The following ATXN7 variants were observed in gnomAD, a reference collection of about 807,000 sequenced individuals.
The protein encoded by ATXN7 is ataxin-7.
In ATXN7, 12 loss-of-function variants were observed where a neutral mutation model predicts 70.5. The ratio of observed to expected loss-of-function variants is 0.17; its 90% CI spans 0.11 to 0.28. The LOEUF is 0.28. Ranked by LOEUF, ATXN7 falls within the 10% of genes least tolerant of loss-of-function variation. The pLI is 1.00. For synonymous variants in ATXN7, 498 were observed against 448.7 expected, an observed-to-expected ratio of 1.11 and a Z score of -1.39; for missense variants, 1,256 against 1,131.7, an observed-to-expected ratio of 1.11 and a Z score of -1.58.
At chr3:63,964,845 G>C (rs971874057) in intron 5 of ATXN7, among the ~76,000 whole-genome samples, 2 of 152,140 alleles carry the variant, frequency 1.3e-5, no homozygotes, top group African/African-American at 4.8e-5. Flanking sequence ...CCCCTTTCAA[G>C]TGCTCCTTGG....
At chr3:63,925,136 G>C (rs929335463) in intron 4 of ATXN7, among the ~76,000 whole-genome samples, 8 of 152,162 alleles carry the variant, frequency 5.3e-5, no homozygotes, top group African/African-American at 1.9e-4. Context: ...TAGAATTGTG[G>C]AATAAGATGG....
At chr3:63,870,410 G>C (rs1373579804) in intron 1 of ATXN7, among the ~76,000 whole-genome samples, 3 of 152,050 alleles carry the variant, frequency 2.0e-5, no homozygotes, top group African/African-American at 7.2e-5. Context: ...ACACACGTAT[G>C]TGTGTGTGTG....
intron 4 of ATXN7, among the ~76,000 whole-genome samples, chr3:63,936,866 C>T (rs1211405581): frequency 6.6e-6 from 1 of 152,104 alleles, no homozygotes; most frequent in Admixed American, 6.6e-5. Context: ...CTGGTTGGTC[C>T]GTTTTCTAGT....
intron 4 of ATXN7, among the ~76,000 whole-genome samples, chr3:63,950,686 G>T (rs1217397724): frequency 6.6e-6 from 1 of 152,144 alleles, no homozygotes; most frequent in Non-Finnish European, 1.5e-5. Context: ...CTTATTACAT[G>T]TATATCATTG....
intron 5 of ATXN7, among the ~76,000 whole-genome samples, chr3:63,960,541 A>G: frequency 6.6e-6 from 1 of 152,196 alleles, no homozygotes; most frequent in East Asian, 1.9e-4. Context: ...TTAGGATTGT[A>G]GCAGCAGGGG....
In ATXN7 at chr3:63,996,030, A is replaced by T; in HGVS notation, c.2208A>T (p.Lys736Asn). The T allele has an allele frequency of 3.1e-6, 5 of 1,614,140 alleles. No individual in the cohort carries two copies. The highest frequency in any genetic ancestry group is 4.2e-6 in the Non-Finnish European group (5 of 1,180,030). Residue 736 changes from lysine to asparagine, a missense_variant, in exon 12 of 13, where the codon AAA (lysine) becomes AAT (asparagine). Coordinates refer to ENST00000674280, the MANE Select transcript of ATXN7 (RefSeq NM_001377405.1). ...CTCATTCCATGGAGTCTTTTAGGAA[A>T]AACTGTGTGGCTCACTCTGGGCCTC... Reference protein sequence around the residue: ...SSSHSMESFRKNCVAHSGPPY... With the variant: ...SSSHSMESFRNNCVAHSGPPY...
intron 2 of ATXN7, among the ~76,000 whole-genome samples, chr3:63,907,219 C>T (rs991109125): frequency 4.6e-5 from 7 of 152,114 alleles, no homozygotes; most frequent in East Asian, 1.9e-4. Context: ...TTACACAGCT[C>T]GTAGTGGTAG....
intron 4 of ATXN7, among the ~76,000 whole-genome samples, chr3:63,928,261 A>T (rs192431520): frequency 2.0e-3 from 312 of 152,318 alleles, no homozygotes; most frequent in Non-Finnish European, 3.4e-3. Context: ...TCTTCATGCC[A>T]CTGCATTCCA....
chr3:63,934,242 T>A (rs2074616152), intron 4 of ATXN7, among the ~76,000 whole-genome samples: 1 of 152,172 alleles, frequency 6.6e-6, no homozygotes, highest in Admixed American at 6.5e-5. Flanking sequence ...GCCTACTCAT[T>A]CCTGCCTACT....
chr3:63,949,672 A>G (rs2074922422), intron 4 of ATXN7, among the ~76,000 whole-genome samples: 1 of 152,202 alleles, frequency 6.6e-6, no homozygotes, highest in Non-Finnish European at 1.5e-5. Flanking sequence ...TGCTGGAATT[A>G]CAGGCATGAG....
rs1211059173 is a variant in ATXN7, at chr3:64,002,431, C to G, written c.*2964C>G. 4 of 152,280 alleles carry G rather than the reference C, an allele frequency of 2.6e-5. No individual in the cohort carries two copies. Among genetic ancestry groups the G allele is most frequent in the Non-Finnish European group, 5.9e-5 (4 of 68,012 alleles). 9.4% of individuals were successfully genotyped at this position (152,280 alleles called of 1,614,324 possible). On this transcript the variant is annotated 3_prime_UTR_variant, in exon 13 of 13. Transcript: ENST00000674280. ...CCTGGTTGCCTGGTTTCCCGATAGA[C>G]TACATGTAACTAAGTGACACACTGC...
intron 10 of ATXN7, 72 bp downstream of exon 10, chr3:63,990,446 C>T (rs2106787008): frequency 6.4e-7 from 1 of 1,566,118 alleles, no homozygotes; most frequent in Non-Finnish European, 8.7e-7. Flanking sequence ...GGGGGCGCGC[C>T]AGGGATCTTG....
Position 63,912,711 on chromosome 3 carries a change from A to AGCAGCAGCC in ATXN7, c.118_119insAGCCGCAGC (p.Gln39_Pro40insGlnProGln). The AGCAGCAGCC allele has an allele frequency of 1.7e-6, 2 of 1,207,122 alleles. No homozygotes were observed. Among genetic ancestry groups the AGCAGCAGCC allele is most frequent in the Admixed American group, 3.8e-5 (1 of 26,144 alleles). The allele number at this position is 1,207,122 out of a possible 1,614,324, so 74.8% of individuals were successfully genotyped here. ...CAGCAGCAGCAGCAGCAGCAGCAGC[A>AGCAGCAGCC]GCAGCCGCCGCCTCCGCAGCCCCAG... is the stretch of plus-strand genomic sequence containing the variant. On this transcript the variant is annotated inframe_insertion, in exon 3 of 13. Coordinates refer to ENST00000674280, the MANE Select transcript of ATXN7 (RefSeq NM_001377405.1).
intron 4 of ATXN7, among the ~76,000 whole-genome samples, chr3:63,935,599 C>G (rs1309906507): frequency 3.9e-5 from 6 of 152,124 alleles, no homozygotes; most frequent in Non-Finnish European, 2.9e-5. Flanking sequence ...GTAGTGAGCT[C>G]AGTGACTGGA....
intron 1 of ATXN7, chr3:63,865,447 A>T (rs1702383309): frequency 6.6e-6 from 1 of 152,116 alleles, no homozygotes; most frequent in South Asian, 2.1e-4. Flanking sequence ...GCATCATCAG[A>T]CCCTGTTCAT....
chr3:63,881,743 G>A (rs762772927), intron 1 of ATXN7, among the ~76,000 whole-genome samples: 18 of 152,152 alleles, frequency 1.2e-4, no homozygotes, highest in South Asian at 2.1e-4. Flanking sequence ...CCGCCTTGGC[G>A]TCCCAGAGTG....
upstream of ATXN7, chr3:63,863,410 G>A: frequency 2.8e-6 from 3 of 1,065,868 alleles, no homozygotes; most frequent in Non-Finnish European, 3.4e-6. Flanking sequence ...AGACAAACCC[G>A]GACTCCCTCT....
chr3:63,900,054 A>G (rs1186074742), intron 2 of ATXN7, among the ~76,000 whole-genome samples: 2 of 152,190 alleles, frequency 1.3e-5, no homozygotes, highest in Non-Finnish European at 2.9e-5. Flanking sequence ...GCTGCACACC[A>G]GCCCCAGCGG....
intron 5 of ATXN7, among the ~76,000 whole-genome samples, chr3:63,962,005 A>G (rs2075140667): frequency 6.6e-6 from 1 of 152,196 alleles, no homozygotes; most frequent in Admixed American, 6.5e-5. Flanking sequence ...ACATATGACC[A>G]GAAGAGGGAG....
Sources: gnomAD v4.1 joint callset for allele counts (sites outside exome capture counted in the v4.1 genomes callset) on GRCh38, gnomAD v4.1.1 for gene constraint, MANE v1.5 for transcripts, NCBI Gene and HGNC (gene_info 2026-07-23, HGNC 2026-07-21) for gene names.